Variants in ADAMTSL1 observed in about 807,000 individuals in gnomAD.
ADAMTSL1 encodes ADAMTS-like protein 1.
A neutral mutation model predicts 201.8 loss-of-function variants in ADAMTSL1; 126 were observed. That is an observed-to-expected ratio of 0.62 (90% CI 0.54 to 0.72). ADAMTSL1 has a LOEUF of 0.72. ADAMTSL1 is among the 30% of genes least tolerant of loss of function. The pLI is 0.00. For missense variants in ADAMTSL1, 2,679 were observed against 2,277.8 expected, an observed-to-expected ratio of 1.18 and a Z score of -3.59; for synonymous variants, 1,121 against 903.4, an observed-to-expected ratio of 1.24 and a Z score of -4.32.
intron 2 of ADAMTSL1, among the ~76,000 whole-genome samples, chr9:18,380,341 A>G (rs144704801): frequency 3.0e-4 from 45 of 152,350 alleles, no homozygotes; most frequent in African/African-American, 1.0e-3. Context: ...AAAGAGAGGC[A>G]TAATAAATGG....
intron 23 of ADAMTSL1, among the ~76,000 whole-genome samples, chr9:18,860,574 C>CTACT (rs1428254527): frequency 6.6e-6 from 1 of 151,882 alleles, no homozygotes; most frequent in Non-Finnish European, 1.5e-5. Flanking sequence ...CATCTTTTGA[C>CTACT]TACTTTGTTT....
intron 1 of ADAMTSL1, among the ~76,000 whole-genome samples, chr9:18,496,754 C>G (rs746077174): frequency 1.2e-4 from 19 of 152,226 alleles, no homozygotes; most frequent in Non-Finnish European, 2.6e-4. Flanking sequence ...CCAACATGTG[C>G]TTTCCAGAGC....
At chr9:17,937,473 A>G (rs183331969) in intron 1 of ADAMTSL1, among the ~76,000 whole-genome samples, 1 of 152,252 alleles carries the variant, frequency 6.6e-6, no homozygotes, top group African/African-American at 2.4e-5. Flanking sequence ...AGATTTGGAT[A>G]GTTGATCAGA....
At chr9:18,680,280 G>C in intron 10 of ADAMTSL1, 32 bp from the exon 11 acceptor site, 1 of 1,604,730 alleles carries the variant, frequency 6.2e-7, no homozygotes, top group Non-Finnish European at 8.5e-7. Context: ...CAATGTGCAT[G>C]TCTGCCCTGA....
intron 2 of ADAMTSL1, among the ~76,000 whole-genome samples, chr9:18,411,047 A>G (rs2133312253): frequency 6.6e-6 from 1 of 150,844 alleles, no homozygotes; most frequent in Non-Finnish European, 1.5e-5. Context: ...GTATTTTAAT[A>G]GAAATGGCGT....
intron 15 of ADAMTSL1, among the ~76,000 whole-genome samples, chr9:18,726,471 A>C (rs1817899679): frequency 1.3e-5 from 2 of 151,942 alleles, no homozygotes; most frequent in Non-Finnish European, 2.9e-5. Context: ...TGATCACACC[A>C]CTACACTATT....
chr9:18,107,232 A>T (rs562409247), intron 1 of ADAMTSL1, among the ~76,000 whole-genome samples: 1 of 152,172 alleles, frequency 6.6e-6, no homozygotes, highest in Non-Finnish European at 1.5e-5. Flanking sequence ...TCAGGCTATG[A>T]TACTTCTCAT....
Position 18,815,573 on chromosome 9 carries a change from T to C in ADAMTSL1, c.3806-1536T>C, listed in dbSNP as rs921348326. On this transcript the variant is annotated intron_variant, in intron 20 of 28. Transcript: ENST00000380548. ...AAAAAAAAATTCTATCCAGGTGTGA[T>C]GGTATACACCTGTAGTTTCAGCTAC... 4.0e-5 allele frequency among the ~76,000 whole-genome samples: 6 copies of C among 151,520 alleles called. 1 individual carries two copies. The highest frequency in any genetic ancestry group is 5.9e-5 in the Non-Finnish European group (4 of 67,832).
intron 3 of ADAMTSL1, among the ~76,000 whole-genome samples, chr9:18,559,539 G>A (rs182047804): frequency 1.4e-3 from 216 of 152,130 alleles, no homozygotes; most frequent in African/African-American, 4.9e-3. Context: ...TTCTAATTCT[G>A]TGAAGAAAGT....
chr9:18,905,985 C>A, intron 27 of ADAMTSL1, 94 bp downstream of exon 27: 1 of 1,149,038 alleles, frequency 8.7e-7, no homozygotes. Context: ...ACTAACTTAC[C>A]ACAGTCCCAA....
intron 4 of ADAMTSL1, among the ~76,000 whole-genome samples, chr9:18,620,015 ATT>A (rs35177614): frequency 0.071 from 7,155 of 100,966 alleles, 156 homozygotes; most frequent in Non-Finnish European, 0.1. Flanking sequence ...CAGTTTTCTG[ATT>A]TTTTTTTTTT....
At chr9:18,063,321 C>T (rs936275928) in intron 1 of ADAMTSL1, among the ~76,000 whole-genome samples, 1 of 152,192 alleles carries the variant, frequency 6.6e-6, no homozygotes, top group African/African-American at 2.4e-5. Flanking sequence ...TGAACTCCAG[C>T]TTGGGCAGGA....
chr9:18,490,823 C>G (rs991471327), intron 1 of ADAMTSL1, among the ~76,000 whole-genome samples: 1 of 152,120 alleles, frequency 6.6e-6, no homozygotes, highest in African/African-American at 2.4e-5. Context: ...AGAGGAGCCA[C>G]GTCAGCCAAG....
intron 2 of ADAMTSL1, among the ~76,000 whole-genome samples, chr9:18,230,639 G>C (rs1441777123): frequency 1.3e-5 from 2 of 152,058 alleles, no homozygotes; most frequent in Non-Finnish European, 2.9e-5. Context: ...ACTCTAAGAG[G>C]GGTCCTGGGA....
intron 1 of ADAMTSL1, among the ~76,000 whole-genome samples, chr9:18,153,254 C>T (rs2080401600): frequency 1.3e-5 from 2 of 152,014 alleles, no homozygotes; most frequent in African/African-American, 2.4e-5. Flanking sequence ...AAGGACATGA[C>T]TGGCATCAAG....
chr9:18,135,849 A>G (rs546530920), intron 1 of ADAMTSL1, among the ~76,000 whole-genome samples: 1 of 152,216 alleles, frequency 6.6e-6, no homozygotes, highest in South Asian at 2.1e-4. Context: ...CACAGCTTAC[A>G]CTGATGCAGT....
chr9:18,453,099 C>T (rs1429685703), intron 2 of ADAMTSL1, among the ~76,000 whole-genome samples: 3 of 152,236 alleles, frequency 2.0e-5, no homozygotes, highest in Non-Finnish European at 4.4e-5. Flanking sequence ...ACAGCTCTTG[C>T]TCTCTGTGCA....
intron 4 of ADAMTSL1, among the ~76,000 whole-genome samples, chr9:18,587,080 A>G (rs1469070356): frequency 6.6e-6 from 1 of 152,152 alleles, no homozygotes; most frequent in Non-Finnish European, 1.5e-5. Context: ...CAATTCAACA[A>G]AAGCAAACAT....
intron 21 of ADAMTSL1, among the ~76,000 whole-genome samples, chr9:18,822,550 C>A (rs1588167872): frequency 6.6e-6 from 1 of 152,098 alleles, no homozygotes; most frequent in Non-Finnish European, 1.5e-5. Context: ...CACCCTGGCA[C>A]TGGTGGGTTA....
Sources: gnomAD v4.1 joint callset for allele counts (sites outside exome capture counted in the v4.1 genomes callset) on GRCh38, gnomAD v4.1.1 for gene constraint, MANE v1.5 for transcripts, NCBI Gene and HGNC (gene_info 2026-07-23, HGNC 2026-07-21) for gene names.